The following AADACL3 variants were observed in gnomAD, a reference collection of about 807,000 sequenced individuals.
The protein encoded by AADACL3 is arylacetamide deacetylase-like 3.
A neutral mutation model predicts 13.6 loss-of-function variants in AADACL3; 13 were observed. The observed-to-expected ratio is 0.95, with a 90% CI of 0.62 to 1.52. AADACL3 has a LOEUF of 1.52. Ranked by LOEUF, AADACL3 falls within the 40% of genes most tolerant of loss-of-function variation. The probability of loss-of-function intolerance (pLI) is 0.00; values close to 1 mark genes in which losing one functional copy is unlikely to be tolerated. For missense variants in AADACL3, 519 were observed against 499.2 expected, an observed-to-expected ratio of 1.04 and a Z score of -0.38; for synonymous variants, 195 against 197.0, an observed-to-expected ratio of 0.99 and a Z score of 0.08.
intron 1 of AADACL3, among the ~76,000 whole-genome samples, chr1:12,718,630 G>A (rs572567025): frequency 6.8e-4 from 103 of 152,068 alleles, no homozygotes; most frequent in Middle Eastern, 3.4e-3. Context: ...TCGAGTAGCC[G>A]GGAATACAGG....
intron 2 of AADACL3, 89 bp from the exon 3 acceptor site, chr1:12,720,794 C>T (rs1638237054): frequency 8.6e-7 from 1 of 1,167,468 alleles, no homozygotes; most frequent in South Asian, 1.2e-5. Context: ...CGGCATCGGC[C>T]CAAGTGCTGT....
At chr1:12,717,720 G>A (rs955748049) in intron 1 of AADACL3, among the ~76,000 whole-genome samples, 7 of 152,134 alleles carry the variant, frequency 4.6e-5, no homozygotes, top group African/African-American at 1.4e-4. Context: ...TTCCCAAAGC[G>A]GAGAATGCAA....
At chr1:12,719,970 C>A (rs1392683428) in intron 2 of AADACL3, among the ~76,000 whole-genome samples, 1 of 152,040 alleles carries the variant, frequency 6.6e-6, no homozygotes, top group Non-Finnish European at 1.5e-5. Context: ...CCCTTACTTG[C>A]ATTTATATGT....
At position 12,727,674 on chromosome 1, in the gene AADACL3, T is replaced by C. The variant is rs1431612720; in HGVS notation, c.*1678T>C. 1 of 152,262 alleles carries C rather than the reference T, an allele frequency of 6.6e-6. No individual in the cohort carries two copies. Among genetic ancestry groups the C allele is most frequent in the Non-Finnish European group, 1.5e-5 (1 of 68,066 alleles). 9.4% of individuals were successfully genotyped at this position (152,262 alleles called of 1,614,324 possible). A position where few individuals can be genotyped will look rare whatever the true frequency, so the allele number is the denominator to read the frequency against. On this transcript the variant is annotated 3_prime_UTR_variant, in exon 4 of 4. Transcript: ENST00000359318. ...GCAGAGAGGAATCCCATTGGGTGGC[T>C]CCTTGCTGCATTCGCAGTTGACCAG...
At position 12,725,414 on chromosome 1, in the gene AADACL3, G is replaced by A. The variant is rs1638345660; in HGVS notation, c.642G>A (p.Arg214=). 3.1e-6 allele frequency: 5 copies of A among 1,614,082 alleles called. No individual in the cohort carries two copies. Among genetic ancestry groups the A allele is most frequent in the Non-Finnish European group, 4.2e-6 (5 of 1,179,998 alleles). ...TTGTGGACAGGCCAGATCTGCCCCG[G>A]ATCCGGGCTCAGATCCTGATCTATG... is the stretch of plus-strand genomic sequence containing the variant. ...QQLVDRPDLP[R]IRAQILIYAI... The change falls in exon 4 of 4, where the codon CGG becomes CGA. Residue 214 remains arginine, a synonymous_variant. Transcript: ENST00000359318.
At chr1:12,724,699 T>A (rs1319901026) in intron 3 of AADACL3, among the ~76,000 whole-genome samples, 1 of 152,204 alleles carries the variant, frequency 6.6e-6, no homozygotes, top group African/African-American at 2.4e-5. Context: ...TTGCCCAGGC[T>A]GGGCTTGAAC....
intron 3 of AADACL3, among the ~76,000 whole-genome samples, chr1:12,724,564 A>G (rs959890521): frequency 1.3e-5 from 2 of 151,904 alleles, no homozygotes; most frequent in African/African-American, 4.8e-5. Context: ...AGCTCACTGC[A>G]GCCTCAACCT....
intron 3 of AADACL3, among the ~76,000 whole-genome samples, chr1:12,721,269 G>A (rs563442768): frequency 6.6e-6 from 1 of 152,210 alleles, no homozygotes; most frequent in South Asian, 2.1e-4. Context: ...AGGTGTGGTG[G>A]CATATGTCTG....
chr1:12,720,470 C>T (rs1360887406), intron 2 of AADACL3, among the ~76,000 whole-genome samples: 3 of 152,276 alleles, frequency 2.0e-5, no homozygotes, highest in South Asian at 4.1e-4. Flanking sequence ...CTCCAACACT[C>T]TACGAGTTAG....
chr1:12,726,838 C>T lies in AADACL3; in HGVS notation c.*842C>T, dbSNP rs1638380372. 1 of 152,226 alleles carries T rather than the reference C, an allele frequency of 6.6e-6. No homozygotes were observed. The highest frequency in any genetic ancestry group is 6.5e-5 in the Admixed American group (1 of 15,286). The allele number at this position is 152,226 out of a possible 1,614,324, so 9.4% of individuals were successfully genotyped here. ...TGCAAAGTCAAGACAGCCAAAGGAACAGAAGATGTATTTGTGAAAACTATT... is the reference window on the plus strand; with the variant it reads ...TGCAAAGTCAAGACAGCCAAAGGAATAGAAGATGTATTTGTGAAAACTATT... On this transcript the variant is annotated 3_prime_UTR_variant, in exon 4 of 4. Transcript: ENST00000359318.
chr1:12,721,031 G>A (rs371033808), intron 3 of AADACL3, 85 bp downstream of exon 3: 266 of 320,944 alleles, frequency 8.3e-4, no homozygotes, highest in African/African-American at 5.3e-3. Context: ...AATGGGGGTG[G>A]GGGGTGGGGG....
chr1:12,725,511 AG>A lies in AADACL3; in HGVS notation c.740del (p.Ser247IlefsTer22). The A allele has an allele frequency of 6.2e-7, 1 of 1,614,100 alleles. No individual in the cohort carries two copies. Among genetic ancestry groups the A allele is most frequent in the Non-Finnish European group, 8.5e-7 (1 of 1,180,036 alleles). On this transcript the variant is annotated frameshift_variant, in exon 4 of 4. Transcript: ENST00000359318. LOFTEE classifies it low-confidence loss of function (END_TRUNC). ...GAAAAACATCCCACTGCTCACCTGG[AG>A]TTTCATCTGCTACTTTTTTTTTCAA... is the stretch of plus-strand genomic sequence containing the variant. ...QRKNIPLLTW[S>X]FICYFFFQNL...
Position 12,727,193 on chromosome 1 carries a change from C to G in AADACL3, c.*1197C>G, listed in dbSNP as rs1307567794. The G allele has an allele frequency of 6.6e-6, 1 of 152,176 alleles. No individual in the cohort carries two copies. The highest frequency in any genetic ancestry group is 2.4e-5 in the African/African-American group (1 of 41,444). 9.4% of individuals were successfully genotyped at this position (152,176 alleles called of 1,614,324 possible). A position where few individuals can be genotyped will look rare whatever the true frequency, so the allele number is the denominator to read the frequency against. On this transcript the variant is annotated 3_prime_UTR_variant, in exon 4 of 4. Transcript: ENST00000359318. ...TTTGTTGGCTTTCTGAGCAATGTGT[C>G]CAGTTGCCACAGTGAAGGGAATGGA... is the stretch of plus-strand genomic sequence containing the variant.
chr1:12,721,002 A>G, intron 3 of AADACL3, 56 bp downstream of exon 3: 1 of 725,726 alleles, frequency 1.4e-6, no homozygotes. Flanking sequence ...TGATGTGGAG[A>G]GATGGGGTGA....
At chr1:12,722,339 AAAAAAAAAAAT>A (rs1268415245) in intron 3 of AADACL3, among the ~76,000 whole-genome samples, 73 of 139,648 alleles carry the variant, frequency 5.2e-4, no homozygotes, top group South Asian at 1.4e-3. Context: ...AAAAAAAAAA[AAAAAAAAAAAT>A]GGAAAAGAAA....
At position 12,728,610 on chromosome 1, in the gene AADACL3, G is replaced by A. The variant is rs570810157; in HGVS notation, c.*2614G>A. On this transcript the variant is annotated 3_prime_UTR_variant, in exon 4 of 4. Transcript: ENST00000359318. ...CTCCAGCTTCCTCCCACATTCCAAA[G>A]ATGTGTATGTTACATTCATGGGAAT... The A allele has an allele frequency of 6.6e-6, 1 of 152,294 alleles. No individual in the cohort carries two copies. Among genetic ancestry groups the A allele is most frequent in the Admixed American group, 6.5e-5 (1 of 15,278 alleles). 9.4% of individuals were successfully genotyped at this position (152,294 alleles called of 1,614,324 possible).
At chr1:12,716,714 G>C (rs948700201) in intron 1 of AADACL3, among the ~76,000 whole-genome samples, 18 of 151,956 alleles carry the variant, frequency 1.2e-4, no homozygotes, top group African/African-American at 3.6e-4. Flanking sequence ...ACCATCTTTC[G>C]CATTTTTAAG....
intron 3 of AADACL3, among the ~76,000 whole-genome samples, chr1:12,723,889 T>C (rs1481788889): frequency 1.4e-4 from 10 of 73,902 alleles, no homozygotes; most frequent in Admixed American, 3.3e-4. Context: ...GTTCAAGGGA[T>C]TCTTCTGCCT....
In AADACL3 at chr1:12,716,438, C is replaced by T. The variant is rs148441114; in HGVS notation, c.168+94C>T. ...CGGAAGCTTCTAGCTGAATGAACAC[C>T]GGTATCATGGGGCCTGCAGTGACAG... On this transcript the variant is annotated intron_variant, in intron 1 of 3. Coordinates refer to ENST00000359318, the MANE Select transcript of AADACL3 (RefSeq NM_001103170.3). 2,196 of 1,524,624 alleles carry T rather than the reference C, an allele frequency of 1.4e-3. 2 individuals carry two copies. Among genetic ancestry groups the T allele is most frequent in the Non-Finnish European group, 1.9e-3 (2,062 of 1,099,050 alleles). 94.4% of individuals were successfully genotyped at this position (1,524,624 alleles called of 1,614,324 possible).
Sources: gnomAD v4.1 joint callset for allele counts (sites outside exome capture counted in the v4.1 genomes callset) on GRCh38, gnomAD v4.1.1 for gene constraint, MANE v1.5 for transcripts, NCBI Gene and HGNC (gene_info 2026-07-23, HGNC 2026-07-21) for gene names.